Variants in TEX14 observed in about 807,000 individuals in gnomAD.
TEX14 encodes testis expressed 14, intercellular bridge forming factor.
In TEX14, 168 loss-of-function variants were observed where a neutral mutation model predicts 178.6. The ratio of observed to expected loss-of-function variants is 0.94; its 90% CI spans 0.83 to 1.07. The LOEUF is 1.07. Among genes scored for constraint, TEX14 ranks in the 50% least tolerant of loss-of-function variants. The pLI is 0.00. For missense variants in TEX14, 1,730 were observed against 1,753.6 expected (o/e 0.99, Z 0.24); for synonymous variants, 626 against 634.1 (o/e 0.99, Z 0.19).
rs1251684176 is a variant in TEX14 at position 58,681,301 on chromosome 17, A to G, written c.-2+10638T>C. On this transcript the variant is annotated intron_variant, in intron 1 of 31. Transcript: ENST00000349033. ...AAAATGAAAATAAAAATCTTGCTAAACAAGCAACAACTGAGAACATAGAGG... is the reference window on the plus strand; with the variant it reads ...AAAATGAAAATAAAAATCTTGCTAAGCAAGCAACAACTGAGAACATAGAGG... Among the ~76,000 whole-genome samples, 3 of 152,118 alleles carry G rather than the reference A, an allele frequency of 2.0e-5. 1 individual carries two copies. The East Asian group carries it at 5.8e-4, about 29-fold the overall frequency.
At chr17:58,593,017 G>A (rs928344874) in intron 15 of TEX14, among the ~76,000 whole-genome samples, 2 of 151,856 alleles carry the variant, frequency 1.3e-5, no homozygotes, top group Admixed American at 1.3e-4. Context: ...ATACGTATAT[G>A]TGTATGAATA....
intron 2 of TEX14, among the ~76,000 whole-genome samples, chr17:58,639,062 T>C (rs2046509351): frequency 6.6e-6 from 1 of 151,458 alleles, no homozygotes; most frequent in Admixed American, 6.6e-5. Flanking sequence ...AGACGGGGTT[T>C]CACCGTGTTA....
At chr17:58,661,662 C>A (rs532159399) in intron 1 of TEX14, 2 of 624,708 alleles carry the variant, frequency 3.2e-6, no homozygotes, top group African/African-American at 1.8e-5. Context: ...AAGATTCTGG[C>A]GTAGATTTCT....
chr17:58,613,647 T>C (rs2045801145), intron 8 of TEX14, 103 bp from the exon 9 acceptor site: 3 of 1,255,600 alleles, frequency 2.4e-6, no homozygotes, highest in Non-Finnish European at 3.4e-6. Flanking sequence ...ACCATTTGTA[T>C]ACGATGTTTT....
intron 2 of TEX14, among the ~76,000 whole-genome samples, chr17:58,643,843 C>T (rs887040537): frequency 7.7e-6 from 1 of 129,358 alleles, no homozygotes; most frequent in Non-Finnish European, 1.6e-5. Context: ...CTTCACTCCA[C>T]CAGCCTGGGC....
chr17:58,579,760 AAGG>A, intron 19 of TEX14, 29 bp from the exon 20 acceptor site: 1 of 1,576,778 alleles, frequency 6.3e-7, no homozygotes, highest in Non-Finnish European at 8.7e-7. Context: ...AAAGCAAAGA[AAGG>A]AGGTTCACTG....
intron 1 of TEX14, among the ~76,000 whole-genome samples, chr17:58,668,494 C>T (rs76887935): frequency 6.6e-6 from 1 of 152,346 alleles, no homozygotes; most frequent in East Asian, 1.9e-4. Context: ...CCAATGCCCA[C>T]TGAAGGCTCA....
At chr17:58,690,357 G>T (rs1196724146) in intron 1 of TEX14, among the ~76,000 whole-genome samples, 6 of 151,984 alleles carry the variant, frequency 3.9e-5, no homozygotes, top group Non-Finnish European at 8.8e-5. Flanking sequence ...GTAGAGATGG[G>T]GTTTTGCCCT....
chr17:58,577,778 A>C (rs572577526), intron 20 of TEX14, among the ~76,000 whole-genome samples: 20 of 152,348 alleles, frequency 1.3e-4, no homozygotes, highest in African/African-American at 3.8e-4. Context: ...AAGAAGGCAA[A>C]CTGACCCGGT....
intron 14 of TEX14, among the ~76,000 whole-genome samples, chr17:58,598,624 C>A (rs151080045): frequency 6.6e-6 from 1 of 152,232 alleles, no homozygotes; most frequent in African/African-American, 2.4e-5. Context: ...GACTGATTTC[C>A]CAAAGCTAAG....
chr17:58,608,698 C>T (rs767720174), intron 10 of TEX14, among the ~76,000 whole-genome samples: 30 of 152,340 alleles, frequency 2.0e-4, no homozygotes, highest in Non-Finnish European at 2.9e-4. Flanking sequence ...ATTTGCGTGA[C>T]GCATGTGAGA....
At chr17:58,559,583 G>C in intron 29 of TEX14, 21 bp from the exon 30 acceptor site, 2 of 1,254,258 alleles carry the variant, frequency 1.6e-6, no homozygotes, top group South Asian at 1.2e-5. Context: ...AATTATTTGG[G>C]GAATCAAAAC....
chr17:58,679,642 G>C (rs553612659), intron 1 of TEX14: 1 of 152,130 alleles, frequency 6.6e-6, no homozygotes, highest in Non-Finnish European at 1.5e-5. Context: ...ACCTCACCCT[G>C]AAAAATCCAC....
intron 5 of TEX14, among the ~76,000 whole-genome samples, chr17:58,620,043 T>C (rs531764743): frequency 6.6e-6 from 1 of 152,244 alleles, no homozygotes; most frequent in East Asian, 1.9e-4. Context: ...ATGAATAGGA[T>C]AGACACAGCC....
intron 1 of TEX14, among the ~76,000 whole-genome samples, chr17:58,685,209 G>A (rs1239126796): frequency 1.3e-5 from 2 of 149,132 alleles, no homozygotes; most frequent in African/African-American, 4.9e-5. Flanking sequence ...CGAGGTGGGT[G>A]GATCACCTGA....
chr17:58,596,177 T>C (rs1228252070), intron 14 of TEX14, among the ~76,000 whole-genome samples: 1 of 152,130 alleles, frequency 6.6e-6, no homozygotes, highest in Non-Finnish European at 1.5e-5. Context: ...AGCAAGATTC[T>C]GTCTTTAAAA....
intron 11 of TEX14, among the ~76,000 whole-genome samples, chr17:58,603,653 G>A (rs1379661038): frequency 6.6e-6 from 1 of 150,976 alleles, no homozygotes; most frequent in Non-Finnish European, 1.5e-5. Context: ...AGGAGATCCA[G>A]ACCATCCTGG....
chr17:58,677,367 C>A (rs1401149218), intron 1 of TEX14, among the ~76,000 whole-genome samples: 1 of 152,152 alleles, frequency 6.6e-6, no homozygotes, highest in Non-Finnish European at 1.5e-5. Context: ...ATGTGGTACT[C>A]ATTGTGTACA....
intron 1 of TEX14, chr17:58,659,226 G>GCAAACTCATCC: frequency 5.1e-6 from 1 of 194,544 alleles, no homozygotes; most frequent in Non-Finnish European, 6.7e-6. Flanking sequence ...AATCGCGGGA[G>GCAAACTCATCC]CAAACACATA....
Sources: allele counts gnomAD v4.1 joint callset (sites outside exome capture counted in the v4.1 genomes callset), GRCh38; gene constraint gnomAD v4.1.1; transcripts MANE v1.5; gene names NCBI Gene and HGNC (gene_info 2026-07-23, HGNC 2026-07-21).